Variants in HECW2 observed in about 807,000 individuals in gnomAD.
The protein encoded by HECW2 is E3 ubiquitin-protein ligase HECW2.
A neutral mutation model predicts 175.2 loss-of-function variants in HECW2; 61 were observed. The observed-to-expected ratio is 0.35, with a 90% CI of 0.28 to 0.43. The LOEUF is 0.43. Among genes scored for constraint, HECW2 ranks in the 20% least tolerant of loss-of-function variants. The pLI is 1.00. For synonymous variants in HECW2, 671 were observed against 731.0 expected (o/e 0.92, Z 1.32); for missense variants, 1,524 against 2,000.5 (o/e 0.76, Z 4.54).
At chr2:196,474,803 C>T (rs1686499854) in intron 1 of HECW2, among the ~76,000 whole-genome samples, 1 of 152,162 alleles carries the variant, frequency 6.6e-6, no homozygotes, top group Non-Finnish European at 1.5e-5. Flanking sequence ...GATAAAAGCA[C>T]TTGCTGAGAT....
In HECW2 at chr2:196,504,397, C is replaced by A. The variant is rs113207948; in HGVS notation, c.-35-70939G>T. 2.9e-3 allele frequency among the ~76,000 whole-genome samples: 442 copies of A among 151,650 alleles called. 1 individual carries two copies. The highest frequency in any genetic ancestry group is 0.01 in the African/African-American group (418 of 41,372). On this transcript the variant is annotated intron_variant, in intron 1 of 28. Transcript: ENST00000644978. Reference sequence around the variant, plus strand: ...CAACCCCAATCAAAGAGATGCAGTACATACTCACCTTGGCTCACCTGCAGG... The same window carrying A: ...CAACCCCAATCAAAGAGATGCAGTAAATACTCACCTTGGCTCACCTGCAGG...
intron 15 of HECW2, among the ~76,000 whole-genome samples, chr2:196,274,346 G>T (rs188233362): frequency 1.3e-5 from 2 of 152,240 alleles, no homozygotes; most frequent in Admixed American, 6.5e-5. Flanking sequence ...TCTTGAGAGG[G>T]GCTGGGGCAG....
At chr2:196,212,216 G>C (rs1360850217) in intron 28 of HECW2, among the ~76,000 whole-genome samples, 1 of 151,508 alleles carries the variant, frequency 6.6e-6, no homozygotes, top group African/African-American at 2.4e-5. Flanking sequence ...TTAATTTTAA[G>C]TTCAGGGGTA....
At chr2:196,522,222 T>C (rs1401121797) in intron 1 of HECW2, among the ~76,000 whole-genome samples, 1 of 152,132 alleles carries the variant, frequency 6.6e-6, no homozygotes, top group Non-Finnish European at 1.5e-5. Context: ...TTTGCATTTC[T>C]CTGATGGCCA....
At chr2:196,362,016 C>A in intron 2 of HECW2, 1 of 985,346 alleles carries the variant, frequency 1.0e-6, no homozygotes, top group Non-Finnish European at 1.2e-6. Context: ...GTCCACTTCA[C>A]GGATGCTCCT....
At chr2:196,273,667 C>T (rs1003395719) in intron 16 of HECW2, among the ~76,000 whole-genome samples, 1 of 152,086 alleles carries the variant, frequency 6.6e-6, no homozygotes, top group South Asian at 2.1e-4. Flanking sequence ...CTGTCTTGGC[C>T]TTAAATATAT....
At chr2:196,576,031 T>C (rs988377670) in intron 1 of HECW2, among the ~76,000 whole-genome samples, 1 of 152,160 alleles carries the variant, frequency 6.6e-6, no homozygotes, top group African/African-American at 2.4e-5. Flanking sequence ...AGGGAACAAA[T>C]ATCTAAACTA....
chr2:196,278,803 T>G, intron 14 of HECW2, 141 bp from the exon 15 acceptor site: 1 of 936,026 alleles, frequency 1.1e-6, no homozygotes. Flanking sequence ...TTGGGGAAAT[T>G]TCTCCTTACC....
chr2:196,560,397 C>T (rs576816203), intron 1 of HECW2, among the ~76,000 whole-genome samples: 33 of 152,158 alleles, frequency 2.2e-4, no homozygotes, highest in African/African-American at 6.5e-4. Flanking sequence ...CTGCCCACCT[C>T]GGGCCTCCCA....
At chr2:196,230,793 G>C (rs983143888) in intron 21 of HECW2, among the ~76,000 whole-genome samples, 1 of 152,150 alleles carries the variant, frequency 6.6e-6, no homozygotes, top group Non-Finnish European at 1.5e-5. Flanking sequence ...CTGTCTGCAT[G>C]TAGCTGCATC....
chr2:196,566,888 G>C (rs937138216), intron 1 of HECW2, among the ~76,000 whole-genome samples: 1 of 151,928 alleles, frequency 6.6e-6, no homozygotes, highest in Non-Finnish European at 1.5e-5. Context: ...CCACATTTTA[G>C]AGAAGAGGAA....
intron 2 of HECW2, among the ~76,000 whole-genome samples, chr2:196,408,909 C>A (rs909891558): frequency 6.6e-6 from 1 of 152,152 alleles, no homozygotes; most frequent in African/African-American, 2.4e-5. Context: ...ACCTATCTCA[C>A]AAAAGGTTGG....
At chr2:196,220,719 T>A in intron 25 of HECW2, 76 bp downstream of exon 25, 1 of 1,448,338 alleles carries the variant, frequency 6.9e-7, no homozygotes, top group Admixed American at 1.8e-5. Flanking sequence ...AGTCTACACA[T>A]GTAAAGTACA....
In HECW2 at chr2:196,196,043, T is replaced by G. The variant is rs72613709; in HGVS notation, c.*5234A>C. 0.082 allele frequency: 12,431 copies of G among 152,176 alleles called. 579 individuals carry two copies. Among genetic ancestry groups the G allele is most frequent in the East Asian group, 0.16 (823 of 5,172 alleles). 9.4% of individuals were successfully genotyped at this position (152,176 alleles called of 1,614,324 possible). On this transcript the variant is annotated 3_prime_UTR_variant, in exon 29 of 29. Coordinates refer to ENST00000644978, the MANE Select transcript of HECW2 (RefSeq NM_001348768.2). ...TAAGATGATCCATCTACCGTTGTTT[T>G]AACTTTCCCTCCACTACACTCCTGT...
rs555202133 is a variant in HECW2 at position 196,523,013 on chromosome 2, A to G, written c.-36+70495T>C. On this transcript the variant is annotated intron_variant, in intron 1 of 28. Transcript: ENST00000644978. ...AAAGTAGTTTTTTCCAATTCTGTGA[A>G]GAACGTCATTGGTAGCTTGATGGGG... is the stretch of plus-strand genomic sequence containing the variant. Among the ~76,000 whole-genome samples the G allele has an allele frequency of 6.4e-3, 973 of 151,218 alleles. 18 individuals are homozygous for G. Among genetic ancestry groups the G allele is most frequent in the African/African-American group, 0.023 (930 of 40,846 alleles).
At chr2:196,390,096 CTATAT>C (rs551638731) in intron 2 of HECW2, among the ~76,000 whole-genome samples, 50 of 152,198 alleles carry the variant, frequency 3.3e-4, no homozygotes, top group Admixed American at 4.6e-4. Context: ...TGCTCAGATA[CTATAT>C]TATATTATAT....
intron 21 of HECW2, among the ~76,000 whole-genome samples, chr2:196,228,557 A>AG (rs1687935138): frequency 1.3e-5 from 2 of 152,026 alleles, no homozygotes; most frequent in African/African-American, 4.9e-5. Context: ...TGATTATGTA[A>AG]ACATGTATAA....
chr2:196,273,349 G>A (rs113822071), intron 16 of HECW2, among the ~76,000 whole-genome samples: 5,011 of 152,228 alleles, frequency 0.033, 174 homozygotes, highest in South Asian at 0.11. Context: ...TTACAGGCGT[G>A]AGCCACTGCG....
chr2:196,437,329 C>G (rs1695906951), intron 1 of HECW2, among the ~76,000 whole-genome samples: 1 of 151,830 alleles, frequency 6.6e-6, no homozygotes, highest in Non-Finnish European at 1.5e-5. Context: ...AACCATGCAC[C>G]AGCCGGGCGC....
Sources: allele counts gnomAD v4.1 joint callset (sites outside exome capture counted in the v4.1 genomes callset), GRCh38; gene constraint gnomAD v4.1.1; transcripts MANE v1.5; gene names NCBI Gene and HGNC (gene_info 2026-07-23, HGNC 2026-07-21).